NT5E: variants seen among roughly 807,000 people sequenced by gnomAD.
NT5E encodes the protein 5'-nucleotidase.
In NT5E, 53 loss-of-function variants were observed where a neutral mutation model predicts 55.1. That is an observed-to-expected ratio of 0.96 (90% CI 0.77 to 1.21). The LOEUF (loss-of-function observed/expected upper bound fraction) is 1.21, where lower values mean the gene tolerates loss of function less well. Ranked by LOEUF, NT5E falls within the 50% of genes most tolerant of loss-of-function variation. The probability of loss-of-function intolerance (pLI) is 0.00; values close to 1 mark genes in which losing one functional copy is unlikely to be tolerated. For synonymous variants in NT5E, 270 were observed against 278.4 expected, an observed-to-expected ratio of 0.97 and a Z score of 0.30; for missense variants, 683 against 724.3, an observed-to-expected ratio of 0.94 and a Z score of 0.65.
chr6:85,461,552 T>C (rs1383620448), intron 1 of NT5E, among the ~76,000 whole-genome samples: 5 of 152,204 alleles, frequency 3.3e-5, no homozygotes, highest in Admixed American at 3.3e-4. Flanking sequence ...TCTCCAGATA[T>C]ATAAAGCTGT....
intron 2 of NT5E, among the ~76,000 whole-genome samples, chr6:85,468,520 A>G (rs1769239691): frequency 6.6e-6 from 1 of 152,218 alleles, no homozygotes; most frequent in Non-Finnish European, 1.5e-5. Flanking sequence ...CTGCTGTCTC[A>G]CTATTGCCCA....
intron 3 of NT5E, among the ~76,000 whole-genome samples, chr6:85,482,028 G>C (rs950558740): frequency 6.6e-6 from 1 of 152,186 alleles, no homozygotes; most frequent in Non-Finnish European, 1.5e-5. Flanking sequence ...ACACTTCTAA[G>C]TAATTTAAAA....
intron 3 of NT5E, among the ~76,000 whole-genome samples, chr6:85,483,853 T>G (rs914347773): frequency 6.6e-6 from 1 of 152,166 alleles, no homozygotes; most frequent in Non-Finnish European, 1.5e-5. Flanking sequence ...CACAACCAGC[T>G]TGCAGACTTT....
intron 4 of NT5E, among the ~76,000 whole-genome samples, chr6:85,485,876 G>A (rs1256348379): frequency 6.6e-6 from 1 of 152,186 alleles, no homozygotes; most frequent in Non-Finnish European, 1.5e-5. Flanking sequence ...TTATTTATAT[G>A]TCTGAGTCTA....
At chr6:85,466,556 C>A (rs745367747) in intron 1 of NT5E, among the ~76,000 whole-genome samples, 2 of 152,110 alleles carry the variant, frequency 1.3e-5, no homozygotes, top group Non-Finnish European at 2.9e-5. Flanking sequence ...TGGGAAGAAG[C>A]AATTGTGGCA....
intron 3 of NT5E, among the ~76,000 whole-genome samples, chr6:85,483,551 AAAAGT>A (rs1582384137): frequency 6.6e-6 from 1 of 152,240 alleles, no homozygotes; most frequent in East Asian, 1.9e-4. Context: ...ATGCTTCTGT[AAAAGT>A]AAAGTTCCAA....
At chr6:85,482,814 G>A (rs1405082230) in intron 3 of NT5E, among the ~76,000 whole-genome samples, 1 of 152,222 alleles carries the variant, frequency 6.6e-6, no homozygotes, top group African/African-American at 2.4e-5. Flanking sequence ...TGTGGAAAAT[G>A]TGAAGCCCTG....
At chr6:85,460,094 A>G (rs939276584) in intron 1 of NT5E, among the ~76,000 whole-genome samples, 1 of 152,234 alleles carries the variant, frequency 6.6e-6, no homozygotes, top group Non-Finnish European at 1.5e-5. Context: ...CTCTATTCAT[A>G]TGCTAAAAAG....
chr6:85,494,040 C>T lies in NT5E; in HGVS notation c.*36C>T, dbSNP rs1769842265. 1 of 1,606,562 alleles carries T rather than the reference C, an allele frequency of 6.2e-7. No homozygotes were observed. The highest frequency in any genetic ancestry group is 2.2e-5 in the East Asian group (1 of 44,762). On this transcript the variant is annotated 3_prime_UTR_variant, in exon 9 of 9. Transcript: ENST00000257770. ...TCCTTGCCTTTAATGTGTGAAACTGCATTTTTTCAAGTGAGATTCAAATCT... is the reference window on the plus strand; with the variant it reads ...TCCTTGCCTTTAATGTGTGAAACTGTATTTTTTCAAGTGAGATTCAAATCT...
intron 3 of NT5E, among the ~76,000 whole-genome samples, chr6:85,485,015 G>A (rs1769620377): frequency 6.7e-6 from 1 of 150,106 alleles, no homozygotes; most frequent in African/African-American, 2.5e-5. Context: ...GAAGAGCTTG[G>A]TAAATGACTG....
At chr6:85,452,587 G>A (rs1222766995) in intron 1 of NT5E, among the ~76,000 whole-genome samples, 1 of 152,148 alleles carries the variant, frequency 6.6e-6, no homozygotes, top group Admixed American at 6.5e-5. Context: ...TAAAGATTGG[G>A]AGCGGATCAC....
In NT5E at chr6:85,455,488, C is replaced by T. The variant is rs189163834; in HGVS notation, c.339+5010C>T. Reference sequence around the variant, plus strand: ...TTGGAGGTTCCTGGAGGGTGCACACCCAGGTAGGGCATGAAAGCTCCGCAT... The same window carrying T: ...TTGGAGGTTCCTGGAGGGTGCACACTCAGGTAGGGCATGAAAGCTCCGCAT... On this transcript the variant is annotated intron_variant, in intron 1 of 8. Coordinates refer to ENST00000257770, the MANE Select transcript of NT5E (RefSeq NM_002526.4). 2.1e-3 allele frequency among the ~76,000 whole-genome samples: 315 copies of T among 152,300 alleles called. 1 individual carries two copies. The highest frequency in any genetic ancestry group is 3.2e-3 in the Non-Finnish European group (217 of 68,028).
intron 1 of NT5E, among the ~76,000 whole-genome samples, chr6:85,455,061 G>A (rs1438836518): frequency 1.3e-5 from 2 of 152,174 alleles, no homozygotes; most frequent in Non-Finnish European, 2.9e-5. Flanking sequence ...AAACTCTAAA[G>A]GCCACCTGAG....
chr6:85,490,454 G>A, intron 6 of NT5E, 54 bp from the exon 7 acceptor site: 1 of 1,606,630 alleles, frequency 6.2e-7, no homozygotes, highest in Non-Finnish European at 8.5e-7. Context: ...TGGTCATGGT[G>A]TAAGCATTTT....
chr6:85,463,135 G>A (rs1470424528), intron 1 of NT5E, among the ~76,000 whole-genome samples: 3 of 152,128 alleles, frequency 2.0e-5, no homozygotes, highest in African/African-American at 4.8e-5. Flanking sequence ...GGGGTGAGGA[G>A]CTGGGGGTGG....
intron 1 of NT5E, among the ~76,000 whole-genome samples, chr6:85,451,993 C>G (rs528970136): frequency 8.1e-4 from 124 of 152,320 alleles, no homozygotes; most frequent in African/African-American, 2.7e-3. Context: ...CCAGCTGATC[C>G]TTCAGCCTTC....
At chr6:85,480,402 T>C (rs1769520810) in intron 3 of NT5E, among the ~76,000 whole-genome samples, 1 of 152,214 alleles carries the variant, frequency 6.6e-6, no homozygotes, top group Non-Finnish European at 1.5e-5. Context: ...AAAGTTGACA[T>C]GACAGCTTGT....
intron 1 of NT5E, among the ~76,000 whole-genome samples, chr6:85,465,204 G>A (rs1769167617): frequency 6.6e-6 from 1 of 152,208 alleles, no homozygotes; most frequent in Non-Finnish European, 1.5e-5. Flanking sequence ...TTAGGCTCAA[G>A]TTAGGATGGG....
In NT5E at chr6:85,492,283, C is replaced by T. The variant is rs930828895; in HGVS notation, c.1561+106C>T. 2.4e-5 allele frequency: 23 copies of T among 957,198 alleles called. No individual in the cohort carries two copies. The African/African-American group carries it at 3.6e-4, about 15-fold the overall frequency. 59.3% of individuals were successfully genotyped at this position (957,198 alleles called of 1,614,324 possible). A position where few individuals can be genotyped will look rare whatever the true frequency, so the allele number is the denominator to read the frequency against. Reference sequence around the variant, plus strand: ...GCAAAGTGACTCCCTGTATTGCTGACTCCCTCCTGCTTTGCTTGTTGGAAA... The same window carrying T: ...GCAAAGTGACTCCCTGTATTGCTGATTCCCTCCTGCTTTGCTTGTTGGAAA... On this transcript the variant is annotated intron_variant, in intron 8 of 8. Coordinates refer to ENST00000257770, the MANE Select transcript of NT5E (RefSeq NM_002526.4).
Sources: gnomAD v4.1 joint callset for allele counts (sites outside exome capture counted in the v4.1 genomes callset) on GRCh38, gnomAD v4.1.1 for gene constraint, MANE v1.5 for transcripts, NCBI Gene and HGNC (gene_info 2026-07-23, HGNC 2026-07-21) for gene names.